Variants in HECW1 observed in about 807,000 individuals in gnomAD.
The protein encoded by HECW1 is HECT, C2 and WW domain containing E3 ubiquitin protein ligase 1.
A neutral mutation model predicts 182.3 loss-of-function variants in HECW1; 61 were observed. The observed-to-expected ratio is 0.33, with a 90% confidence interval of 0.27 to 0.41. The LOEUF is 0.41. Ranked by LOEUF, HECW1 falls within the 10% of genes least tolerant of loss-of-function variation. The probability of loss-of-function intolerance (pLI) is 1.00; values close to 1 mark genes in which losing one functional copy is unlikely to be tolerated. For synonymous variants in HECW1, 859 were observed against 832.6 expected (o/e 1.03, Z -0.55); for missense variants, 1,739 against 2,108.9 (o/e 0.82, Z 3.44).
intron 8 of HECW1, among the ~76,000 whole-genome samples, chr7:43,417,208 G>A (rs1230275513): frequency 6.6e-6 from 1 of 152,014 alleles, no homozygotes; most frequent in Admixed American, 6.6e-5. Context: ...CCACCACCAC[G>A]CCCAGCTAAT....
At chr7:43,358,628 C>A (rs1422307502) in intron 5 of HECW1, among the ~76,000 whole-genome samples, 1 of 152,012 alleles carries the variant, frequency 6.6e-6, no homozygotes, top group Non-Finnish European at 1.5e-5. Flanking sequence ...AAAAGTTTAA[C>A]CCTACTAATA....
At chr7:43,208,825 C>T (rs1313464671) in intron 2 of HECW1, among the ~76,000 whole-genome samples, 1 of 152,120 alleles carries the variant, frequency 6.6e-6, no homozygotes, top group African/African-American at 2.4e-5. Context: ...GTCTGGCTTC[C>T]AGCATGGAAC....
chr7:43,324,378 T>G (rs753967953), intron 5 of HECW1, among the ~76,000 whole-genome samples: 1 of 152,248 alleles, frequency 6.6e-6, no homozygotes, highest in Non-Finnish European at 1.5e-5. Context: ...AATTATAGCT[T>G]TAGGGATCTG....
At chr7:43,281,943 G>A (rs1392720974) in intron 3 of HECW1, among the ~76,000 whole-genome samples, 2 of 151,996 alleles carry the variant, frequency 1.3e-5, no homozygotes, top group Non-Finnish European at 2.9e-5. Flanking sequence ...GTCCCAACAT[G>A]TCTGACACTC....
intron 2 of HECW1, among the ~76,000 whole-genome samples, chr7:43,137,786 G>T (rs968017619): frequency 2.6e-5 from 4 of 152,126 alleles, no homozygotes; most frequent in African/African-American, 9.7e-5. Context: ...CTGAGCTCAA[G>T]TGATCTGCCT....
At chr7:43,392,409 GTCT>G (rs939673533) in intron 6 of HECW1, among the ~76,000 whole-genome samples, 2 of 152,208 alleles carry the variant, frequency 1.3e-5, no homozygotes, top group African/African-American at 4.8e-5. Flanking sequence ...GTAAACCCAG[GTCT>G]GGGCCATTCC....
intron 2 of HECW1, among the ~76,000 whole-genome samples, chr7:43,124,763 A>T (rs2152609717): frequency 6.6e-6 from 1 of 152,288 alleles, no homozygotes; most frequent in African/African-American, 2.4e-5. Context: ...CAGTATTGCT[A>T]GTTCTTCACA....
chr7:43,185,280 T>C (rs538372757), intron 2 of HECW1, among the ~76,000 whole-genome samples: 6 of 152,156 alleles, frequency 3.9e-5, no homozygotes, highest in Non-Finnish European at 7.3e-5. Flanking sequence ...GTCTCCTCCA[T>C]CTAGCTGTTC....
At chr7:43,371,804 A>AT (rs756394532) in intron 6 of HECW1, among the ~76,000 whole-genome samples, 3 of 152,058 alleles carry the variant, frequency 2.0e-5, no homozygotes, top group East Asian at 1.9e-4. Context: ...TTCTCAATAC[A>AT]TTTTTTGTTG....
At chr7:43,530,934 G>A (rs1352328074) in intron 24 of HECW1, among the ~76,000 whole-genome samples, 1 of 152,182 alleles carries the variant, frequency 6.6e-6, no homozygotes, top group East Asian at 1.9e-4. Context: ...TCACTCCCCT[G>A]TTTAAACCTG....
chr7:43,212,494 A>T (rs1359703655), intron 2 of HECW1, among the ~76,000 whole-genome samples: 2 of 152,198 alleles, frequency 1.3e-5, no homozygotes, highest in African/African-American at 4.8e-5. Context: ...TCTGGTATTT[A>T]TACATGAGAC....
chr7:43,408,272 G>A (rs2075678605), intron 8 of HECW1, among the ~76,000 whole-genome samples: 1 of 152,108 alleles, frequency 6.6e-6, no homozygotes, highest in Non-Finnish European at 1.5e-5. Context: ...GATTTGCAAA[G>A]GGCTGGGCAG....
intron 2 of HECW1, among the ~76,000 whole-genome samples, chr7:43,196,170 G>T (rs568742195): frequency 6.6e-6 from 1 of 152,148 alleles, no homozygotes; most frequent in Non-Finnish European, 1.5e-5. Flanking sequence ...CTTACCTCCA[G>T]TGCTATAGTG....
intron 17 of HECW1, among the ~76,000 whole-genome samples, chr7:43,480,150 A>G (rs6463193): frequency 0.041 from 6,267 of 152,212 alleles, 395 homozygotes; most frequent in African/African-American, 0.13. Flanking sequence ...AAAATACTTC[A>G]ATAATGTATC....
At chr7:43,527,172 G>A (rs960229821) in intron 24 of HECW1, among the ~76,000 whole-genome samples, 13 of 152,140 alleles carry the variant, frequency 8.5e-5, no homozygotes, top group African/African-American at 3.1e-4. Context: ...TACTTTAGTG[G>A]AACACTTACA....
At chr7:43,539,197 A>G in intron 24 of HECW1, among the ~76,000 whole-genome samples, 1 of 152,208 alleles carries the variant, frequency 6.6e-6, no homozygotes, top group Non-Finnish European at 1.5e-5. Flanking sequence ...GGATTTATGT[A>G]CAAGTGCAAT....
chr7:43,443,013 G>T (rs2076937597), intron 10 of HECW1, among the ~76,000 whole-genome samples: 1 of 152,212 alleles, frequency 6.6e-6, no homozygotes, highest in East Asian at 1.9e-4. Context: ...ATATAGACTA[G>T]CCAGTTGCTG....
chr7:43,237,040 T>A (rs1798415453), intron 2 of HECW1, among the ~76,000 whole-genome samples: 1 of 126,032 alleles, frequency 7.9e-6, no homozygotes, highest in Admixed American at 9.0e-5. Context: ...GAAGAGACTA[T>A]AAAGGTAAAG....
chr7:43,343,230 C>T (rs987315385), intron 5 of HECW1, among the ~76,000 whole-genome samples: 2 of 150,132 alleles, frequency 1.3e-5, no homozygotes, highest in South Asian at 2.1e-4. Flanking sequence ...CAGATATTCA[C>T]GGTGCTGGCA....
Sources: allele counts gnomAD v4.1 joint callset (sites outside exome capture counted in the v4.1 genomes callset), GRCh38; gene constraint gnomAD v4.1.1; transcripts MANE v1.5; gene names NCBI Gene and HGNC (gene_info 2026-07-23, HGNC 2026-07-21).